SH3GLB1: variants seen among roughly 807,000 people sequenced by gnomAD.
SH3GLB1 encodes the protein endophilin-B1.
A neutral mutation model predicts 42.0 loss-of-function variants in SH3GLB1; 17 were observed. The observed-to-expected ratio is 0.40, with a 90% CI of 0.28 to 0.61. SH3GLB1 has a LOEUF of 0.61. Ranked by LOEUF, SH3GLB1 falls within the 20% of genes least tolerant of loss-of-function variation. SH3GLB1 has a pLI of 0.36. For missense variants in SH3GLB1, 355 were observed against 426.3 expected (o/e 0.83, Z 1.47); for synonymous variants, 132 against 146.6 (o/e 0.90, Z 0.72).
intron 5 of SH3GLB1, chr1:86,728,502 A>G (rs1432870314): frequency 6.0e-6 from 9 of 1,510,572 alleles, no homozygotes; most frequent in Middle Eastern, 1.7e-4. Context: ...TTGTTGGCCT[A>G]CTGTGTTTTC....
Position 86,718,069 on chromosome 1 carries a change from TCA to T in SH3GLB1, c.215-1436_215-1435del, listed in dbSNP as rs1654651096. 4.0e-5 allele frequency among the ~76,000 whole-genome samples: 6 copies of T among 150,782 alleles called. No individual in the cohort carries two copies. In the South Asian group the frequency reaches 1.3e-3, roughly 32 times the overall value. ...TTTTTTTTTTTTTTGAGACAGAGTC[TCA>T]CTCTTTCACCTGGGCTGGAGTGCAG... On this transcript the variant is annotated intron_variant, in intron 2 of 8. Transcript: ENST00000370558.
intron 2 of SH3GLB1, among the ~76,000 whole-genome samples, chr1:86,718,583 G>A (rs553951091): frequency 2.0e-4 from 30 of 152,218 alleles, no homozygotes; most frequent in Admixed American, 7.2e-4. Context: ...TAAATTTTCA[G>A]TGCACTGTGT....
At chr1:86,730,221 A>G in intron 5 of SH3GLB1, 1 of 1,444,188 alleles carries the variant, frequency 6.9e-7, no homozygotes, top group Non-Finnish European at 9.2e-7. Context: ...CTGTGTTAGT[A>G]TACCTTATAA....
intron 5 of SH3GLB1, chr1:86,728,622 A>G (rs1655332220): frequency 1.9e-6 from 1 of 522,030 alleles, no homozygotes; most frequent in Admixed American, 3.8e-5. Context: ...AGGAAAAAAT[A>G]CTAGCTGAAG....
At chr1:86,709,456 A>C (rs1381074190) in intron 1 of SH3GLB1, among the ~76,000 whole-genome samples, 1 of 152,220 alleles carries the variant, frequency 6.6e-6, no homozygotes, top group Non-Finnish European at 1.5e-5. Flanking sequence ...TGAAAGATAC[A>C]AAGCTGAATG....
intron 5 of SH3GLB1, among the ~76,000 whole-genome samples, chr1:86,731,079 T>C (rs72961626): frequency 0.02 from 3,123 of 152,354 alleles, 51 homozygotes; most frequent in African/African-American, 0.043. Flanking sequence ...CTAGCAGTTC[T>C]GTCTGTGTTA....
intron 1 of SH3GLB1, among the ~76,000 whole-genome samples, chr1:86,707,039 C>G (rs967130383): frequency 2.6e-5 from 4 of 152,198 alleles, no homozygotes; most frequent in African/African-American, 9.7e-5. Flanking sequence ...GGTGATACAG[C>G]AGTGAATAAA....
At chr1:86,731,258 A>T (rs954798718) in intron 5 of SH3GLB1, among the ~76,000 whole-genome samples, 1 of 152,210 alleles carries the variant, frequency 6.6e-6, no homozygotes, top group African/African-American at 2.4e-5. Flanking sequence ...TGACATCCAC[A>T]TGAGGATAAC....
chr1:86,705,325 G>A (rs970357063), intron 1 of SH3GLB1, among the ~76,000 whole-genome samples: 1 of 152,142 alleles, frequency 6.6e-6, no homozygotes, highest in Non-Finnish European at 1.5e-5. Context: ...AGTCCTTTGC[G>A]GTAACCGAGA....
At position 86,730,504 on chromosome 1, in the gene SH3GLB1, A is replaced by ATT. The variant is rs547603497; in HGVS notation, c.571-4087_571-4086dup. 477 of 498,102 alleles carry ATT rather than the reference A, an allele frequency of 9.6e-4. 3 individuals carry two copies. Among genetic ancestry groups the ATT allele is most frequent in the African/African-American group, 8.0e-3 (373 of 46,846 alleles). The allele number at this position is 498,102 out of a possible 1,614,324, so 30.9% of individuals were successfully genotyped here. ...GATATATAATATTTCGCACAAATGA[A>ATT]TTTTTTTTTTTTGAGATGGAGTTTT... is the stretch of plus-strand genomic sequence containing the variant. On this transcript the variant is annotated intron_variant, in intron 5 of 8. Coordinates refer to ENST00000370558, the MANE Select transcript of SH3GLB1 (RefSeq NM_016009.5).
intron 6 of SH3GLB1, 81 bp downstream of exon 6, chr1:86,734,772 T>C (rs1261964330): frequency 2.2e-6 from 2 of 914,170 alleles, no homozygotes; most frequent in African/African-American, 3.4e-5. Flanking sequence ...AAACTGAACT[T>C]TTCAGTCATT....
chr1:86,724,888 A>ATTATATATATATATATAT (rs1428217607), intron 5 of SH3GLB1, among the ~76,000 whole-genome samples: 1 of 99,496 alleles, frequency 1.0e-5, no homozygotes, highest in African/African-American at 4.8e-5. Flanking sequence ...AAAAAAAAAA[A>ATTATATATATATATATAT]AAAAATATAT....
At chr1:86,719,447 AC>A (rs1654735006) in intron 2 of SH3GLB1, 59 bp from the exon 3 acceptor site, 3 of 1,500,254 alleles carry the variant, frequency 2.0e-6, no homozygotes, top group Non-Finnish European at 2.7e-6. Flanking sequence ...GGGGAAAAAA[AC>A]AATCTTCTAA....
chr1:86,738,883 A>T (rs370768436), intron 7 of SH3GLB1, among the ~76,000 whole-genome samples: 1 of 152,166 alleles, frequency 6.6e-6, no homozygotes, highest in Non-Finnish European at 1.5e-5. Context: ...GCCTCAGGCT[A>T]TCTGCCCGCC....
chr1:86,711,692 AT>A (rs1384440437), intron 1 of SH3GLB1, among the ~76,000 whole-genome samples: 1 of 152,076 alleles, frequency 6.6e-6, no homozygotes, highest in Non-Finnish European at 1.5e-5. Context: ...GAAAACTAAA[AT>A]TTTTATGGGT....
intron 1 of SH3GLB1, 31 bp downstream of exon 1, chr1:86,705,002 C>G: frequency 6.7e-7 from 1 of 1,486,588 alleles, no homozygotes; most frequent in Non-Finnish European, 9.1e-7. Flanking sequence ...AAAGGGGTGG[C>G]GGCGCCCGGG....
intron 5 of SH3GLB1, chr1:86,728,438 T>A: frequency 6.4e-7 from 1 of 1,560,308 alleles, no homozygotes; most frequent in Non-Finnish European, 8.7e-7. Context: ...GAGATAACAT[T>A]ATGGTAAATT....
intron 1 of SH3GLB1, among the ~76,000 whole-genome samples, chr1:86,715,481 C>T (rs557489858): frequency 6.6e-6 from 1 of 152,178 alleles, no homozygotes; most frequent in Non-Finnish European, 1.5e-5. Flanking sequence ...AGAATTCACA[C>T]CATACATTTT....
intron 7 of SH3GLB1, among the ~76,000 whole-genome samples, chr1:86,737,887 C>G (rs930487215): frequency 2.6e-5 from 4 of 152,056 alleles, no homozygotes; most frequent in Non-Finnish European, 5.9e-5. Context: ...GTACAAAAAC[C>G]CTGAGGGCAT....
Sources: gnomAD v4.1 joint callset for allele counts (sites outside exome capture counted in the v4.1 genomes callset) on GRCh38, gnomAD v4.1.1 for gene constraint, MANE v1.5 for transcripts, NCBI Gene and HGNC (gene_info 2026-07-23, HGNC 2026-07-21) for gene names.